The following FMNL3 variants were observed in gnomAD, a reference collection of about 807,000 sequenced individuals.
FMNL3 encodes the protein formin-like protein 3.
In FMNL3, 57 loss-of-function variants were observed where a neutral mutation model predicts 119.6. That is an observed-to-expected ratio of 0.48 (90% CI 0.39 to 0.59). FMNL3 has a LOEUF of 0.59. Among genes scored for constraint, FMNL3 ranks in the 20% least tolerant of loss-of-function variants. FMNL3 has a pLI of 0.00. For synonymous variants in FMNL3, 491 were observed against 507.3 expected (o/e 0.97, Z 0.43); for missense variants, 1,053 against 1,323.5 (o/e 0.80, Z 3.17).
chr12:49,695,186 T>C (rs1471475956), intron 1 of FMNL3, among the ~76,000 whole-genome samples: 1 of 152,136 alleles, frequency 6.6e-6, no homozygotes, highest in African/African-American at 2.4e-5. Flanking sequence ...ATTTCAGATG[T>C]AAACATTATA....
chr12:49,646,645 G>T lies in FMNL3; in HGVS notation c.2995+241C>A, dbSNP rs1340880090. The T allele has an allele frequency of 3.9e-6, 6 of 1,527,278 alleles. No individual in the cohort carries two copies. The Admixed American group carries it at 1.0e-4, about 25-fold the overall frequency. The allele number at this position is 1,527,278 out of a possible 1,614,324, so 94.6% of individuals were successfully genotyped here. A position where few individuals can be genotyped will look rare whatever the true frequency, so the allele number is the denominator to read the frequency against. On this transcript the variant is annotated intron_variant, in intron 25 of 25. Transcript: ENST00000335154. ...CAGCTGCGGTGCCCAGTACCTGTCG[G>T]GCCCCAACCTTGGGGGCTAACAGTT...
chr12:49,650,264 G>A (rs1394927428), intron 17 of FMNL3, among the ~76,000 whole-genome samples: 2 of 152,094 alleles, frequency 1.3e-5, no homozygotes, highest in Non-Finnish European at 2.9e-5. Context: ...TCAATTTTTA[G>A]TACCCAAGGC....
chr12:49,703,510 T>C (rs1486493389), intron 1 of FMNL3, among the ~76,000 whole-genome samples: 1 of 151,828 alleles, frequency 6.6e-6, no homozygotes, highest in African/African-American at 2.4e-5. Context: ...CACAACCTTT[T>C]TCCCATCGAG....
intron 1 of FMNL3, chr12:49,688,383 A>C (rs1944521337): frequency 3.5e-5 from 16 of 455,860 alleles, no homozygotes; most frequent in South Asian, 2.5e-4. Flanking sequence ...GTTTCCCTAC[A>C]ATTAATTTCC....
chr12:49,660,713 T>C lies in FMNL3; in HGVS notation c.452+1253A>G, dbSNP rs183736373. Among the ~76,000 whole-genome samples the C allele has an allele frequency of 1.2e-4, 19 of 152,366 alleles. No individual in the cohort carries two copies. In the East Asian group the frequency reaches 3.5e-3, roughly 28 times the overall value. ...GGCTCACGCCTGCAATCCCAGCACTTTGGAAGGCCAAAGCAGGGTGGATCG... is the reference window on the plus strand; with the variant it reads ...GGCTCACGCCTGCAATCCCAGCACTCTGGAAGGCCAAAGCAGGGTGGATCG... On this transcript the variant is annotated intron_variant, in intron 5 of 25. Coordinates refer to ENST00000335154, the MANE Select transcript of FMNL3 (RefSeq NM_175736.5).
Position 49,642,143 on chromosome 12 carries a change from G to T in FMNL3, c.*3672C>A, listed in dbSNP as rs1942753801. On this transcript the variant is annotated 3_prime_UTR_variant, in exon 26 of 26. Transcript: ENST00000335154. This position sits in a 1 kb window ranked among gnomAD's most constrained non-coding sequence, Gnocchi z 5.8. ...TTCAGGGGATGGTGGTAGAAGCCCA[G>T]ACCCTAACTTTCCACCTCCTAAGGT... 1.2e-6 allele frequency: 2 copies of T among 1,607,526 alleles called. No individual in the cohort carries two copies. The highest frequency in any genetic ancestry group is 1.1e-5 in the South Asian group (1 of 90,516).
intron 1 of FMNL3, among the ~76,000 whole-genome samples, chr12:49,676,978 C>A (rs2138921381): frequency 6.6e-6 from 1 of 152,308 alleles, no homozygotes; most frequent in East Asian, 1.9e-4. Context: ...TTGTTTAGCA[C>A]TTTAATAGGT....
rs1943336460 is a variant in FMNL3 at position 49,649,772 on chromosome 12, G to A, written c.2154C>T (p.Ser718=). 1 of 1,614,212 alleles carries A rather than the reference G, an allele frequency of 6.2e-7. No individual in the cohort carries two copies. Among genetic ancestry groups the A allele is most frequent in the Non-Finnish European group, 8.5e-7 (1 of 1,180,038 alleles). The change falls in exon 18 of 26, where the codon AGC becomes AGT. Residue 718 remains serine, a synonymous_variant. Transcript: ENST00000335154. The surrounding 1 kb of genome is among the most constrained non-coding windows in gnomAD (Gnocchi z 5.6). Reference sequence around the variant, plus strand: ...TTCGCTGGGTCAACCGTTCCACCTTGCTGAAGAGCAGCATGAAGCGGTCCT... The same window carrying A: ...TTCGCTGGGTCAACCGTTCCACCTTACTGAAGAGCAGCATGAAGCGGTCCT... ...AAEDRFMLLF[S]KVERLTQRMA...
In FMNL3 at chr12:49,649,506, G is replaced by A. The variant is rs372804348; in HGVS notation, c.2268C>T (p.Ser756=). 2.4e-5 allele frequency: 39 copies of A among 1,614,006 alleles called. No homozygotes were observed. Among genetic ancestry groups the A allele is most frequent in the African/African-American group, 6.7e-5 (5 of 74,906 alleles). The change falls in exon 19 of 26, where the codon TCC becomes TCT. Residue 756 remains serine, a synonymous_variant. Transcript: ENST00000335154. This position sits in a 1 kb window ranked among gnomAD's most constrained non-coding sequence, Gnocchi z 5.6. ...GCTTCAGCTTCTGTGAAGACTTGAC[G>A]GAAGCGGACGCCGCAATGATGGCAT... ...QLNAIIAASA[S]VKSSQKLKQM...
At chr12:49,656,589 G>T in intron 8 of FMNL3, 92 bp from the exon 9 acceptor site, 2 of 1,208,860 alleles carry the variant, frequency 1.7e-6, no homozygotes, top group Non-Finnish European at 2.4e-6. Context: ...CTTTTGGAGA[G>T]TGGAGAAAGC....
chr12:49,665,903 G>C lies in FMNL3; in HGVS notation c.297C>G (p.Phe99Leu), dbSNP rs374701800. The C allele has an allele frequency of 2.5e-6, 4 of 1,614,118 alleles. No individual in the cohort carries two copies. The South Asian group carries it at 4.4e-5, about 18-fold the overall frequency. The change falls in exon 4 of 26, where the codon TTC becomes TTG. Residue 99 changes from phenylalanine (F) to leucine (L), a missense_variant. This residue lies in a region of FMNL3 where 264 missense variants were observed against 265.5 expected (regional missense o/e 0.99). Transcript: ENST00000335154. The stretch of plus-strand genomic sequence containing the variant: ...TGGTTGACTCCTGCACCCTCCTCCT[G>C]AACTTCTGTAAAAAGGGTAGGAAAG... ...FLDPSVTRKK[F>L]RRRVQESTKV...
chr12:49,648,954 C>A, intron 21 of FMNL3, 75 bp downstream of exon 21: 1 of 1,506,832 alleles, frequency 6.6e-7, no homozygotes. Context: ...CCCAAGTGTT[C>A]TCTCTCCTCA....
rs755389795 is a variant in FMNL3 at position 49,643,266 on chromosome 12, G to A, written c.*2549C>T. On this transcript the variant is annotated 3_prime_UTR_variant, in exon 26 of 26. Transcript: ENST00000335154. ...GAGGAGCTGCCCCCACCATCTCTCC[G>A]GCCCCCCAAGCGGAGGAGGCGGAAC... 11 of 1,614,028 alleles carry A rather than the reference G, an allele frequency of 6.8e-6. No homozygotes were observed. Among genetic ancestry groups the A allele is most frequent in the East Asian group, 2.2e-5 (1 of 44,868 alleles).
At chr12:49,675,301 C>A (rs1944155050) in intron 1 of FMNL3, among the ~76,000 whole-genome samples, 2 of 152,218 alleles carry the variant, frequency 1.3e-5, no homozygotes, top group African/African-American at 4.8e-5. Flanking sequence ...TCTATTGGCT[C>A]CTCGGCCCCT....
Position 49,637,386 on chromosome 12 carries a change from C to A in FMNL3, c.*8429G>T. On this transcript the variant is annotated 3_prime_UTR_variant, in exon 26 of 26. Transcript: ENST00000335154. ...CAATCTTGATTGTCCCTGCCTCTTC[C>A]TCTGCCATTCCCTCTCTTCCCCCTC... is the stretch of plus-strand genomic sequence containing the variant. 1.1e-6 allele frequency: 1 copy of A among 904,478 alleles called. No individual in the cohort carries two copies. The highest frequency in any genetic ancestry group is 1.8e-6 in the Non-Finnish European group (1 of 566,258). The allele number at this position is 904,478 out of a possible 1,614,324, so 56.0% of individuals were successfully genotyped here. A position where few individuals can be genotyped will look rare whatever the true frequency, so the allele number is the denominator to read the frequency against.
chr12:49,681,724 T>C (rs1248490837), intron 1 of FMNL3, among the ~76,000 whole-genome samples: 2 of 133,928 alleles, frequency 1.5e-5, no homozygotes, highest in Non-Finnish European at 3.1e-5. Flanking sequence ...GCTTGGCTAA[T>C]TTTTTTTTTT....
chr12:49,686,039 C>G (rs755709327), intron 1 of FMNL3, among the ~76,000 whole-genome samples: 4 of 152,056 alleles, frequency 2.6e-5, no homozygotes, highest in Admixed American at 6.6e-5. Flanking sequence ...TGTACTCCAC[C>G]CTGGGCGACA....
Position 49,642,530 on chromosome 12 carries a change from G to C in FMNL3, c.*3285C>G. On this transcript the variant is annotated 3_prime_UTR_variant, in exon 26 of 26. Coordinates refer to ENST00000335154, the MANE Select transcript of FMNL3 (RefSeq NM_175736.5). The surrounding 1 kb of genome is among the most constrained non-coding windows in gnomAD (Gnocchi z 5.8). ...GCCCTGTGCTCATGGCGGTGTCCAG[G>C]CCAGGCTGAGTGGGGCCTAGTCTGA... The C allele has an allele frequency of 6.2e-7, 1 of 1,604,184 alleles. No homozygotes were observed. Among genetic ancestry groups the C allele is most frequent in the Non-Finnish European group, 8.5e-7 (1 of 1,171,528 alleles).
Position 49,647,275 on chromosome 12 carries a change from C to T in FMNL3, c.2871+1G>A. The T allele has an allele frequency of 6.2e-7, 1 of 1,614,086 alleles. No individual in the cohort carries two copies. On this transcript the variant is annotated splice_donor_variant, in intron 24 of 25. Transcript: ENST00000335154. LOFTEE classifies it high-confidence loss of function. The surrounding 1 kb of genome is among the most constrained non-coding windows in gnomAD (Gnocchi z 4.9). ...AGGCCCCAGCTCTTGGTCCCACCCA[C>T]CTTGGCATCCAGTTTCTTGGCTTCC...
Sources: gnomAD v4.1 joint callset for allele counts (sites outside exome capture counted in the v4.1 genomes callset) on GRCh38, gnomAD v4.1.1 for gene constraint, gnomAD v4.1.1 regional missense constraint, Gnocchi (gnomAD v3.1) non-coding constraint, MANE v1.5 for transcripts, NCBI Gene and HGNC (gene_info 2026-07-23, HGNC 2026-07-21) for gene names.